GSDME: variants seen among roughly 807,000 people sequenced by gnomAD.
GSDME encodes the protein gasdermin-E.
A neutral mutation model predicts 47.5 loss-of-function variants in GSDME; 44 were observed. The ratio of observed to expected loss-of-function variants is 0.93; its 90% CI spans 0.73 to 1.19. The LOEUF is 1.19. Ranked by LOEUF, GSDME falls within the 50% of genes most tolerant of loss-of-function variation. The pLI is 0.00. For missense variants in GSDME, 663 were observed against 604.2 expected (o/e 1.10, Z -1.02); for synonymous variants, 258 against 252.8 (o/e 1.02, Z -0.20).
chr7:24,771,274 G>C, the GSDME span, among the ~76,000 whole-genome samples: 1 of 152,208 alleles, frequency 6.6e-6, no homozygotes, highest in Non-Finnish European at 1.5e-5. This position sits in a 1 kb window ranked among gnomAD's most constrained non-coding sequence, Gnocchi z 4.1. Flanking sequence ...TCCCCGGAAA[G>C]GAGACCTTTC....
rs148544312 is a variant in GSDME, at chr7:24,716,666, G to T, written c.697+588C>A. The T allele has an allele frequency of 0.01, 1,677 of 165,118 alleles. 37 individuals are homozygous for T. Among genetic ancestry groups the T allele is most frequent in the African/African-American group, 0.037 (1,565 of 41,908 alleles). 10.2% of individuals were successfully genotyped at this position (165,118 alleles called of 1,614,324 possible). A position where few individuals can be genotyped will look rare whatever the true frequency, so the allele number is the denominator to read the frequency against. The stretch of plus-strand genomic sequence containing the variant: ...TGCGCTTTGAACACACTCGTGATCA[G>T]CAGAGGAAAGTCAAGTTCAGCATGT... On this transcript the variant is annotated intron_variant, in intron 5 of 9. Coordinates refer to ENST00000645220, the MANE Select transcript of GSDME (RefSeq NM_001127453.2). This position sits in a 1 kb window ranked among gnomAD's most constrained non-coding sequence, Gnocchi z 4.5.
At chr7:24,741,885 C>A (rs1790504591) in intron 3 of GSDME, among the ~76,000 whole-genome samples, 1 of 152,182 alleles carries the variant, frequency 6.6e-6, no homozygotes, top group Non-Finnish European at 1.5e-5. Context: ...CCTTCCCGCC[C>A]CTGTCCTCCC....
At chr7:24,762,097 T>G (rs1380702013), upstream of GSDME, among the ~76,000 whole-genome samples, 1 of 151,884 alleles carries the variant, frequency 6.6e-6, no homozygotes, top group Non-Finnish European at 1.5e-5. Context: ...GTACTAAAAA[T>G]GCAAAAAATT....
rs1301117082 is a variant in GSDME at position 24,756,558 on chromosome 7, C to T, written c.-20+838G>A. On this transcript the variant is annotated intron_variant, in intron 1 of 9. Coordinates refer to ENST00000645220, the MANE Select transcript of GSDME (RefSeq NM_001127453.2). The surrounding 1 kb of genome is among the most constrained non-coding windows in gnomAD (Gnocchi z 4.2). ...CTCCTTTCATTCCACTTGGACTTGCCCCACCTGCCTGCGTCTCGAGGACAG... is the reference window on the plus strand; with the variant it reads ...CTCCTTTCATTCCACTTGGACTTGCTCCACCTGCCTGCGTCTCGAGGACAG... Among the ~76,000 whole-genome samples, 1 of 152,174 alleles carries T rather than the reference C, an allele frequency of 6.6e-6. No individual in the cohort carries two copies. Among genetic ancestry groups the T allele is most frequent in the Non-Finnish European group, 1.5e-5 (1 of 68,024 alleles).
At chr7:24,710,489 G>GT in intron 5 of GSDME, 101 bp from the exon 6 acceptor site, 2 of 1,120,654 alleles carry the variant, frequency 1.8e-6, no homozygotes, top group Non-Finnish European at 2.7e-6. Context: ...CATCTTAGAC[G>GT]TAACTCAGTG....
At chr7:24,759,910 T>C (rs573374827), upstream of GSDME, among the ~76,000 whole-genome samples, 3 of 152,344 alleles carry the variant, frequency 2.0e-5, no homozygotes, top group South Asian at 4.1e-4. Context: ...TATTGTTAAA[T>C]AGACTATTTG....
At chr7:24,718,570 T>C (rs1337968126) in intron 4 of GSDME, among the ~76,000 whole-genome samples, 2 of 152,202 alleles carry the variant, frequency 1.3e-5, no homozygotes, top group African/African-American at 4.8e-5. Flanking sequence ...AGTGCCTGTG[T>C]GTTCATTTTT....
At chr7:24,722,395 T>G (rs768047543) in intron 3 of GSDME, among the ~76,000 whole-genome samples, 1 of 152,212 alleles carries the variant, frequency 6.6e-6, no homozygotes, top group Non-Finnish European at 1.5e-5. Context: ...GCAAAGACTT[T>G]AAAGATAAAA....
At chr7:24,702,327 TG>T (rs1316398548) in intron 9 of GSDME, 1 of 259,652 alleles carries the variant, frequency 3.9e-6, no homozygotes, top group Non-Finnish European at 7.5e-6. Context: ...AAAGAAGCTA[TG>T]TCTCCCTGGG....
At chr7:24,787,441 G>A in the GSDME span, among the ~76,000 whole-genome samples, 1 of 152,146 alleles carries the variant, frequency 6.6e-6, no homozygotes, top group Admixed American at 6.5e-5. The surrounding 1 kb of genome is among the most constrained non-coding windows in gnomAD (Gnocchi z 5.0). Flanking sequence ...TCCACAAACC[G>A]TATGGTGCTA....
the GSDME span, among the ~76,000 whole-genome samples, chr7:24,763,727 C>CAG: frequency 6.6e-6 from 1 of 152,166 alleles, no homozygotes; most frequent in Non-Finnish European, 1.5e-5. This position sits in a 1 kb window ranked among gnomAD's most constrained non-coding sequence, Gnocchi z 4.3. Context: ...GGCCAGAAAT[C>CAG]AGTCACAGAG....
rs933144254 is a variant in GSDME, at chr7:24,712,154, A to G, written c.698-1766T>C. 2.0e-5 allele frequency among the ~76,000 whole-genome samples: 3 copies of G among 152,238 alleles called. No homozygotes were observed. Among genetic ancestry groups the G allele is most frequent in the African/African-American group, 7.2e-5 (3 of 41,450 alleles). On this transcript the variant is annotated intron_variant, in intron 5 of 9. Coordinates refer to ENST00000645220, the MANE Select transcript of GSDME (RefSeq NM_001127453.2). This position sits in a 1 kb window ranked among gnomAD's most constrained non-coding sequence, Gnocchi z 4.4. ...AAAGAAGAATGGCTGTCTAAAGACA[A>G]AGGAAACGATCCCTGGGCTTTACCC... is the stretch of plus-strand genomic sequence containing the variant.
chr7:24,784,320 C>T, the GSDME span, among the ~76,000 whole-genome samples: 4 of 152,164 alleles, frequency 2.6e-5, no homozygotes, highest in East Asian at 1.9e-4. Flanking sequence ...AACTGACTCA[C>T]GTGATCACAA....
At position 24,744,725 on chromosome 7, in the gene GSDME, C is replaced by A; in HGVS notation, c.241G>T (p.Glu81Ter). 1.2e-6 allele frequency: 2 copies of A among 1,614,010 alleles called. No homozygotes were observed. ...VVVESDFVKY[E>*]GKFANHVSGT... is the part of the protein sequence containing the mutation. The stretch of plus-strand genomic sequence containing the variant: ...CTCACGTGGTTTGCAAACTTGCCCT[C>A]GTATTTCACAAAGTCCGACTCCACG... Residue 81 changes from glutamate (E) to a stop codon, truncating the protein, a stop_gained, in exon 3 of 10, where the codon GAG (glutamate) becomes TAG (stop). Transcript: ENST00000645220. LOFTEE classifies it high-confidence loss of function. This position sits in a 1 kb window ranked among gnomAD's most constrained non-coding sequence, Gnocchi z 4.5.
the GSDME span, among the ~76,000 whole-genome samples, chr7:24,783,521 G>A: frequency 1.3e-5 from 2 of 152,208 alleles, no homozygotes; most frequent in Non-Finnish European, 2.9e-5. Context: ...CTCATTCAAA[G>A]GCCAAGCTTG....
Position 24,728,596 on chromosome 7 carries a change from G to A in GSDME, c.405-9378C>T, listed in dbSNP as rs1400566604. On this transcript the variant is annotated intron_variant, in intron 3 of 9. Coordinates refer to ENST00000645220, the MANE Select transcript of GSDME (RefSeq NM_001127453.2). This position sits in a 1 kb window ranked among gnomAD's most constrained non-coding sequence, Gnocchi z 7.2. ...TTCCTGGGCCCTGCATACAGAAGGC[G>A]CTTAATGCATGCTTGATTGTTAAAG... Among the ~76,000 whole-genome samples, 2 of 152,250 alleles carry A rather than the reference G, an allele frequency of 1.3e-5. No individual in the cohort carries two copies. The highest frequency in any genetic ancestry group is 3.4e-3 in the Middle Eastern group (1 of 294).
At position 24,721,746 on chromosome 7, in the gene GSDME, C is replaced by T. The variant is rs975177403; in HGVS notation, c.405-2528G>A. Reference sequence around the variant, plus strand: ...GAATTGAATCAGAGGTACGTTTCCACATCACTCCCTTCTTAAAAGCCTTCA... The same window carrying T: ...GAATTGAATCAGAGGTACGTTTCCATATCACTCCCTTCTTAAAAGCCTTCA... On this transcript the variant is annotated intron_variant, in intron 3 of 9. Transcript: ENST00000645220. The surrounding 1 kb of genome is among the most constrained non-coding windows in gnomAD (Gnocchi z 4.1). Among the ~76,000 whole-genome samples, 3 of 152,220 alleles carry T rather than the reference C, an allele frequency of 2.0e-5. No homozygotes were observed. Among genetic ancestry groups the T allele is most frequent in the Non-Finnish European group, 4.4e-5 (3 of 68,040 alleles).
chr7:24,790,950 A>G, the GSDME span, among the ~76,000 whole-genome samples: 1 of 152,190 alleles, frequency 6.6e-6, no homozygotes, highest in Admixed American at 6.5e-5. The surrounding 1 kb of genome is among the most constrained non-coding windows in gnomAD (Gnocchi z 4.1). Flanking sequence ...CAAGTCCAAA[A>G]TTTAAGGAAA....
the GSDME span, among the ~76,000 whole-genome samples, chr7:24,775,215 C>T: frequency 0.085 from 12,992 of 152,216 alleles, 761 homozygotes; most frequent in Non-Finnish European, 0.13. Context: ...TGAACTCTAT[C>T]GTAAGTCTAG....
Sources: gnomAD v4.1 joint callset for allele counts (sites outside exome capture counted in the v4.1 genomes callset) on GRCh38, gnomAD v4.1.1 for gene constraint, Gnocchi (gnomAD v3.1) non-coding constraint, MANE v1.5 for transcripts, NCBI Gene and HGNC (gene_info 2026-07-23, HGNC 2026-07-21) for gene names.